The following RABGAP1L variants were observed in gnomAD, a reference collection of about 807,000 sequenced individuals.
RABGAP1L encodes rab GTPase-activating protein 1-like.
In RABGAP1L, 63 loss-of-function variants were observed where a neutral mutation model predicts 137.7. That is an observed-to-expected ratio of 0.46 (90% CI 0.37 to 0.56). The LOEUF (loss-of-function observed/expected upper bound fraction) is 0.56, where lower values mean the gene tolerates loss of function less well. Ranked by LOEUF, RABGAP1L falls within the 20% of genes least tolerant of loss-of-function variation. RABGAP1L has a pLI of 0.00. For synonymous variants in RABGAP1L, 431 were observed against 433.7 expected, an observed-to-expected ratio of 0.99 and a Z score of 0.08; for missense variants, 1,095 against 1,244.0, an observed-to-expected ratio of 0.88 and a Z score of 1.80.
Position 174,988,721 on chromosome 1 carries a change from G to C in RABGAP1L, c.2886G>C (p.Glu962Asp). 2.6e-6 allele frequency: 4 copies of C among 1,549,384 alleles called. No homozygotes were observed. Among genetic ancestry groups the C allele is most frequent in the Non-Finnish European group, 3.5e-6 (4 of 1,146,378 alleles). Residue 962 changes from glutamate (E) to aspartate (D), a missense_variant, in exon 25 of 26, where the codon GAG (glutamate) becomes GAC (aspartate). Glu to Asp is a conservative substitution (Grantham distance 45, BLOSUM62 2). This residue lies in a region of RABGAP1L where 312 missense variants were observed against 435.6 expected (regional missense o/e 0.72). Coordinates refer to ENST00000681986, the MANE Select transcript of RABGAP1L (RefSeq NM_001366446.1). Reference protein sequence around the residue: ...GALKLAATGREDQGIETDDEK... With the variant: ...GALKLAATGRDDQGIETDDEK... ...TGAAACTAGCAGCCACAGGCAGAGA[G>C]GACCAGGGAATTGAAACAGATGATG... is the stretch of plus-strand genomic sequence containing the variant.
At chr1:174,489,063 T>C (rs1370936224) in intron 13 of RABGAP1L, among the ~76,000 whole-genome samples, 1 of 151,894 alleles carries the variant, frequency 6.6e-6, no homozygotes, top group African/African-American at 2.4e-5. Context: ...TGATGGTTTC[T>C]AGCTTCATCC....
At chr1:174,223,538 T>C (rs1360194577) in intron 3 of RABGAP1L, among the ~76,000 whole-genome samples, 1 of 145,444 alleles carries the variant, frequency 6.9e-6, no homozygotes, top group Non-Finnish European at 1.5e-5. Flanking sequence ...ACAAAAATAA[T>C]AGGTAACAAG....
Position 174,219,221 on chromosome 1 carries a change from A to G in RABGAP1L, c.64A>G (p.Ser22Gly), listed in dbSNP as rs1669568428. The G allele has an allele frequency of 6.2e-7, 1 of 1,603,682 alleles. No individual in the cohort carries two copies. The highest frequency in any genetic ancestry group is 8.5e-7 in the Non-Finnish European group (1 of 1,173,084). ...ATCTGATTCTGTGGCTACAATGAACAGTGAAGAATTTGTTTTGGTTCCTCA... is the reference window on the plus strand; with the variant it reads ...ATCTGATTCTGTGGCTACAATGAACGGTGAAGAATTTGTTTTGGTTCCTCA... ...GSSDSVATMN[S>G]EEFVLVPQYA... The change falls in exon 2 of 26, where the codon AGT (serine) becomes GGT (glycine). Residue 22 changes from serine to glycine, a missense_variant. Physicochemically the swap from Ser to Gly is moderately conservative, Grantham distance 56 (BLOSUM62 0). Around this residue, in one of 4 missense-constraint regions of RABGAP1L, gnomAD observed 356 missense variants for 326.3 expected, o/e 1.09. Transcript: ENST00000681986.
chr1:174,822,164 G>A (rs1023360124), intron 19 of RABGAP1L, among the ~76,000 whole-genome samples: 4 of 152,236 alleles, frequency 2.6e-5, no homozygotes, highest in East Asian at 3.8e-4. Context: ...GAGAGGCTGA[G>A]GCAGGAGAAT....
At chr1:174,234,306 A>G (rs1216336749) in intron 4 of RABGAP1L, among the ~76,000 whole-genome samples, 1 of 125,000 alleles carries the variant, frequency 8.0e-6, no homozygotes, top group Non-Finnish European at 1.6e-5. Context: ...TTTTGTTGCC[A>G]TTGCTTTTGG....
rs533481470 is a variant in RABGAP1L at position 174,321,722 on chromosome 1, A to G, written c.1465+16595A>G. Among the ~76,000 whole-genome samples, 17 of 152,334 alleles carry G rather than the reference A, an allele frequency of 1.1e-4. No homozygotes were observed. The South Asian group carries it at 1.4e-3, about 13-fold the overall frequency. ...AGCTACTTTTCCATCCCTACCAGCA[A>G]TAGATGAATCAGTTGCTCTATACCC... is the stretch of plus-strand genomic sequence containing the variant. On this transcript the variant is annotated intron_variant, in intron 11 of 25. Transcript: ENST00000681986.
intron 13 of RABGAP1L, among the ~76,000 whole-genome samples, chr1:174,620,169 C>G (rs1198841018): frequency 6.6e-6 from 1 of 152,084 alleles, no homozygotes; most frequent in Non-Finnish European, 1.5e-5. Context: ...ACTTAGACTC[C>G]CACACAATAA....
intron 13 of RABGAP1L, among the ~76,000 whole-genome samples, chr1:174,617,686 A>G (rs983577898): frequency 1.3e-5 from 2 of 152,240 alleles, no homozygotes; most frequent in Non-Finnish European, 2.9e-5. Context: ...ACATCCCCAG[A>G]TAGAATACCT....
intron 11 of RABGAP1L, among the ~76,000 whole-genome samples, chr1:174,353,587 C>T (rs1399355406): frequency 6.6e-6 from 1 of 152,188 alleles, no homozygotes; most frequent in Non-Finnish European, 1.5e-5. Flanking sequence ...GTGGGTCTAC[C>T]TGGAACTCAC....
chr1:174,922,749 A>G (rs1233729623), intron 19 of RABGAP1L, among the ~76,000 whole-genome samples: 2 of 152,242 alleles, frequency 1.3e-5, no homozygotes, highest in Non-Finnish European at 2.9e-5. Flanking sequence ...AAGAAATTCA[A>G]TGTAGTGGTT....
intron 13 of RABGAP1L, among the ~76,000 whole-genome samples, chr1:174,487,631 T>C (rs1255613835): frequency 1.3e-5 from 2 of 152,164 alleles, no homozygotes; most frequent in Non-Finnish European, 2.9e-5. Flanking sequence ...TTCAATGTTA[T>C]TATTGGTAAT....
chr1:174,865,655 G>A (rs530824226), intron 19 of RABGAP1L, among the ~76,000 whole-genome samples: 192 of 152,118 alleles, frequency 1.3e-3, no homozygotes, highest in Non-Finnish European at 2.1e-3. Context: ...AAGCAATATT[G>A]CCAGGCACAG....
At chr1:174,804,842 T>A (rs1167279518) in intron 18 of RABGAP1L, among the ~76,000 whole-genome samples, 1 of 152,180 alleles carries the variant, frequency 6.6e-6, no homozygotes, top group Admixed American at 6.5e-5. Context: ...CTAATCTTGT[T>A]TGTTTTTAAC....
intron 13 of RABGAP1L, among the ~76,000 whole-genome samples, chr1:174,586,655 T>A (rs893439425): frequency 3.3e-5 from 5 of 152,150 alleles, no homozygotes; most frequent in African/African-American, 1.2e-4. Flanking sequence ...TGGAGTGCAA[T>A]GGCACGATCT....
At chr1:174,299,132 G>T (rs1677415969) in intron 10 of RABGAP1L, among the ~76,000 whole-genome samples, 1 of 152,226 alleles carries the variant, frequency 6.6e-6, no homozygotes, top group Admixed American at 6.5e-5. Flanking sequence ...TGCATAAAGT[G>T]CAGCAAGAAT....
At chr1:174,965,172 T>C (rs761046266) in intron 20 of RABGAP1L, among the ~76,000 whole-genome samples, 21 of 152,160 alleles carry the variant, frequency 1.4e-4, no homozygotes, top group Non-Finnish European at 2.9e-4. Context: ...TTGTGTGAGA[T>C]GGGGAGTATA....
chr1:174,382,827 T>C (rs898024249), intron 12 of RABGAP1L, among the ~76,000 whole-genome samples: 47 of 152,162 alleles, frequency 3.1e-4, no homozygotes, highest in Non-Finnish European at 5.0e-4. Flanking sequence ...GTTCCGTTGC[T>C]GGTGAGGAAC....
intron 18 of RABGAP1L, among the ~76,000 whole-genome samples, chr1:174,783,177 C>T (rs1019192159): frequency 6.6e-6 from 1 of 152,176 alleles, no homozygotes; most frequent in Non-Finnish European, 1.5e-5. Context: ...GCCCATTGCC[C>T]CTCCTGATGG....
chr1:174,227,705 A>G (rs566094149), intron 3 of RABGAP1L, among the ~76,000 whole-genome samples: 1 of 152,246 alleles, frequency 6.6e-6, no homozygotes, highest in East Asian at 1.9e-4. Flanking sequence ...TGGAGTTTAT[A>G]ACTCAAGTCT....
Sources: gnomAD v4.1 joint callset for allele counts (sites outside exome capture counted in the v4.1 genomes callset) on GRCh38, gnomAD v4.1.1 for gene constraint, gnomAD v4.1.1 regional missense constraint, MANE v1.5 for transcripts, NCBI Gene and HGNC (gene_info 2026-07-23, HGNC 2026-07-21) for gene names.